The following COL6A2 variants were observed in gnomAD, a reference collection of about 807,000 sequenced individuals.
COL6A2 encodes the protein collagen type VI alpha 2 chain.
In COL6A2, 90 loss-of-function variants were observed where a neutral mutation model predicts 124.9. The observed-to-expected ratio is 0.72, with a 90% CI of 0.61 to 0.86. COL6A2 has a LOEUF of 0.86. Ranked by LOEUF, COL6A2 falls within the 40% of genes least tolerant of loss-of-function variation. The pLI is 0.00. For synonymous variants in COL6A2, 793 were observed against 618.2 expected (o/e 1.28, Z -4.19); for missense variants, 1,607 against 1,502.5 (o/e 1.07, Z -1.15).
chr21:46,102,378 T>C (rs867892427), intron 1 of COL6A2, among the ~76,000 whole-genome samples: 1 of 152,196 alleles, frequency 6.6e-6, no homozygotes, highest in African/African-American at 2.4e-5. Flanking sequence ...TGAATGCCTT[T>C]AATTTCTTTT....
At position 46,125,865 on chromosome 21, in the gene COL6A2, C is replaced by T; in HGVS notation, c.2050C>T (p.Leu684=). Reference sequence around the variant, plus strand: ...GCTGGACGACGAACGTATCGACTCCCTGTCGAGCTTCAAGGAGGCTGTCAA... The same window carrying T: ...GCTGGACGACGAACGTATCGACTCCTTGTCGAGCTTCAAGGAGGCTGTCAA... ...IQLDDERIDS[L]SSFKEAVKNL... Residue 684 remains leucine, a synonymous_variant, in exon 26 of 28, where the codon CTG becomes TTG. Transcript: ENST00000300527. 4 of 1,613,090 alleles carry T rather than the reference C, an allele frequency of 2.5e-6. No homozygotes were observed. Among genetic ancestry groups the T allele is most frequent in the Non-Finnish European group, 3.4e-6 (4 of 1,179,990 alleles).
At chr21:46,108,831 G>A (rs2078363485) in intron 1 of COL6A2, among the ~76,000 whole-genome samples, 2 of 152,058 alleles carry the variant, frequency 1.3e-5, no homozygotes. Context: ...TCACTTTTCT[G>A]GCCTGAAACC....
chr21:46,124,775 C>T, intron 22 of COL6A2, 62 bp downstream of exon 22: 1 of 1,601,644 alleles, frequency 6.2e-7, no homozygotes, highest in Non-Finnish European at 8.5e-7. Flanking sequence ...CACACCCAAG[C>T]CTCGTGGTTC....
intron 10 of COL6A2, among the ~76,000 whole-genome samples, chr21:46,117,066 G>A (rs1279222564): frequency 6.6e-6 from 1 of 152,188 alleles, no homozygotes; most frequent in Non-Finnish European, 1.5e-5. Context: ...TGCACACAGA[G>A]GCCAGCAACA....
chr21:46,113,994 C>T lies in COL6A2; in HGVS notation c.736-14C>T. On this transcript the variant is annotated splice_polypyrimidine_tract_variant and intron_variant, in intron 4 of 27. Transcript: ENST00000300527. Reference sequence around the variant, plus strand: ...CCACCCATGCAACCTTCTGTCTCTGCTTCCTCGTTTCAGTGCTACAAGGTG... The same window carrying T: ...CCACCCATGCAACCTTCTGTCTCTGTTTCCTCGTTTCAGTGCTACAAGGTG... 1.9e-6 allele frequency: 3 copies of T among 1,613,112 alleles called. No individual in the cohort carries two copies. Among genetic ancestry groups the T allele is most frequent in the Non-Finnish European group, 2.5e-6 (3 of 1,179,236 alleles).
intron 1 of COL6A2, among the ~76,000 whole-genome samples, chr21:46,099,722 C>G (rs2078267078): frequency 6.6e-6 from 1 of 152,098 alleles, no homozygotes; most frequent in South Asian, 2.1e-4. Context: ...GCCCAGCGGC[C>G]CTTCCTGGCC....
In COL6A2 at chr21:46,114,081, G is replaced by A. The variant is rs2078439096; in HGVS notation, c.801+8G>A. On this transcript the variant is annotated splice_region_variant and intron_variant, in intron 5 of 27. Transcript: ENST00000300527. ...GGCTACCGTGGACAGAAGGTAAGAT[G>A]CCCAGATTACCTGCAGGGTCTGCGC... 1.2e-6 allele frequency: 2 copies of A among 1,611,590 alleles called. No homozygotes were observed. The highest frequency in any genetic ancestry group is 1.7e-6 in the Non-Finnish European group (2 of 1,178,240).
chr21:46,116,129 C>T lies in COL6A2; in HGVS notation c.900+76C>T. 2 of 1,471,146 alleles carry T rather than the reference C, an allele frequency of 1.4e-6. No individual in the cohort carries two copies. The highest frequency in any genetic ancestry group is 1.2e-5 in the South Asian group (1 of 82,544). 91.1% of individuals were successfully genotyped at this position (1,471,146 alleles called of 1,614,324 possible). A position where few individuals can be genotyped will look rare whatever the true frequency, so the allele number is the denominator to read the frequency against. On this transcript the variant is annotated intron_variant, in intron 7 of 27. Transcript: ENST00000300527. This position sits in a 1 kb window ranked among gnomAD's most constrained non-coding sequence, Gnocchi z 4.6. ...CCAGGCAGGCTCCCCCCAGCCCAGCCTCGGCCTCAGCCTCTACGACCCTCC... is the reference window on the plus strand; with the variant it reads ...CCAGGCAGGCTCCCCCCAGCCCAGCTTCGGCCTCAGCCTCTACGACCCTCC...
chr21:46,122,993 T>A, intron 21 of COL6A2, 56 bp downstream of exon 21: 1 of 1,527,880 alleles, frequency 6.5e-7, no homozygotes, highest in East Asian at 2.2e-5. Flanking sequence ...GGAGGGGCCC[T>A]GAGGCTGAGC....
chr21:46,119,051 GC>G lies in COL6A2; in HGVS notation c.1205del (p.Pro402GlnfsTer6). The G allele has an allele frequency of 6.2e-7, 1 of 1,612,074 alleles. No individual in the cohort carries two copies. The highest frequency in any genetic ancestry group is 1.1e-5 in the South Asian group (1 of 91,066). ...GSKGYQGNSG[A>X]PGSPGVKGAK... ...TCAGGGGTATCAAGGCAACAGTGGAGCCCCAGGAAGTCCTGGTGTGAAAGGA... is the reference window on the plus strand; with the variant it reads ...TCAGGGGTATCAAGGCAACAGTGGAGCCCAGGAAGTCCTGGTGTGAAAGGA... On this transcript the variant is annotated frameshift_variant, in exon 14 of 28. Coordinates refer to ENST00000300527, the MANE Select transcript of COL6A2 (RefSeq NM_001849.4). LOFTEE classifies it high-confidence loss of function.
chr21:46,122,989 G>C (rs759844246), intron 21 of COL6A2, 52 bp downstream of exon 21: 1 of 1,557,520 alleles, frequency 6.4e-7, no homozygotes, highest in Non-Finnish European at 8.9e-7. Flanking sequence ...GCAGGGAGGG[G>C]CCCTGAGGCT....
chr21:46,117,058 C>T (rs980981940), intron 10 of COL6A2, among the ~76,000 whole-genome samples: 1 of 152,216 alleles, frequency 6.6e-6, no homozygotes, highest in Non-Finnish European at 1.5e-5. Flanking sequence ...TCCACAGCTG[C>T]ACACAGAGGC....
chr21:46,113,011 T>C, intron 4 of COL6A2, 187 bp downstream of exon 4: 1 of 729,894 alleles, frequency 1.4e-6, no homozygotes, highest in Non-Finnish European at 2.3e-6. Context: ...CTAGGCTGTT[T>C]AGATCCCGTG....
chr21:46,108,971 C>G lies in COL6A2; in HGVS notation c.-27-2479C>G, dbSNP rs1332516674. Among the ~76,000 whole-genome samples the G allele has an allele frequency of 2.0e-5, 3 of 152,270 alleles. No individual in the cohort carries two copies. The East Asian group carries it at 5.8e-4, about 29-fold the overall frequency. ...GTTAGGGGAGCTCACAGGAGACCCG[C>G]AGGGGGCAGCCCCTCTCTGTAGGCG... is the stretch of plus-strand genomic sequence containing the variant. On this transcript the variant is annotated intron_variant, in intron 1 of 27. Transcript: ENST00000300527.
chr21:46,129,163 G>A (rs1722264091), intron 27 of COL6A2: 6 of 1,612,438 alleles, frequency 3.7e-6, no homozygotes, highest in Non-Finnish European at 4.2e-6. Context: ...CCCACCGCAG[G>A]CCTTACAGTC....
At chr21:46,098,693 T>G (rs7277514) in intron 1 of COL6A2, 1 of 151,226 alleles carries the variant, frequency 6.6e-6, no homozygotes, top group African/African-American at 2.4e-5. Flanking sequence ...AGGGCGGGAC[T>G]GGGCGGGGAG....
At chr21:46,122,594 G>C in intron 20 of COL6A2, 63 bp downstream of exon 20, 1 of 1,559,386 alleles carries the variant, frequency 6.4e-7, no homozygotes, top group Non-Finnish European at 8.8e-7. Flanking sequence ...CCAATTGCTG[G>C]GAACACAATG....
intron 27 of COL6A2, among the ~76,000 whole-genome samples, chr21:46,131,024 C>G (rs139759203): frequency 6.6e-6 from 1 of 152,246 alleles, no homozygotes; most frequent in African/African-American, 2.4e-5. Context: ...CCCCAGAAAC[C>G]GAGTTTCGGG....
intron 12 of COL6A2, among the ~76,000 whole-genome samples, 181 bp downstream of exon 12, chr21:46,118,117 C>G (rs561425339): frequency 6.6e-6 from 1 of 152,080 alleles, no homozygotes; most frequent in Non-Finnish European, 1.5e-5. Context: ...CAGCTTCTAA[C>G]CAGGGCTTGG....
Sources: allele counts gnomAD v4.1 joint callset (sites outside exome capture counted in the v4.1 genomes callset), GRCh38; gene constraint gnomAD v4.1.1; non-coding constraint Gnocchi (gnomAD v3.1); transcripts MANE v1.5; gene names NCBI Gene and HGNC (gene_info 2026-07-23, HGNC 2026-07-21).